Variants in SORBS2 observed in about 807,000 individuals in gnomAD.
The protein encoded by SORBS2 is sorbin and SH3 domain containing 2.
Under a neutral mutation model 97.7 loss-of-function variants are expected in SORBS2, and 46 were observed. That is an observed-to-expected ratio of 0.47 (90% confidence interval 0.37 to 0.60). The LOEUF is 0.60. Ranked by LOEUF, SORBS2 falls within the 20% of genes least tolerant of loss-of-function variation. The pLI is 0.00. For missense variants in SORBS2, 1,316 were observed against 1,282.3 expected (o/e 1.03, Z -0.40); for synonymous variants, 476 against 473.4 (o/e 1.01, Z -0.07).
chr4:185,662,235 A>C, exon 5 of SORBS2: 1 of 1,607,570 alleles, frequency 6.2e-7, no homozygotes, highest in Non-Finnish European at 8.5e-7. Flanking sequence ...ATTCACTGTT[A>C]TCTGGCTCTG....
chr4:185,596,886 T>C (rs1201453274), intron 12 of SORBS2, among the ~76,000 whole-genome samples: 3 of 152,148 alleles, frequency 2.0e-5, no homozygotes, highest in Non-Finnish European at 4.4e-5. Context: ...CCTTCATATC[T>C]TTCAAACCCT....
At chr4:185,891,163 ATTT>A (rs1482188894) in intron 1 of SORBS2, among the ~76,000 whole-genome samples, 4 of 151,916 alleles carry the variant, frequency 2.6e-5, no homozygotes, top group African/African-American at 9.7e-5. Context: ...ATACTTTTTT[ATTT>A]TGTGTCAGTA....
chr4:185,639,966 G>A (rs1474863250), intron 4 of SORBS2, among the ~76,000 whole-genome samples: 1 of 152,096 alleles, frequency 6.6e-6, no homozygotes, highest in Non-Finnish European at 1.5e-5. Flanking sequence ...CCATGATTTT[G>A]ACATTGTTCT....
chr4:185,629,378 A>G (rs2096868656), intron 5 of SORBS2, among the ~76,000 whole-genome samples: 1 of 152,056 alleles, frequency 6.6e-6, no homozygotes, highest in Non-Finnish European at 1.5e-5. Context: ...CAGGGATGTT[A>G]TTGCAGTTGG....
intron 1 of SORBS2, among the ~76,000 whole-genome samples, chr4:185,784,893 C>T (rs949392867): frequency 1.3e-5 from 2 of 152,120 alleles, no homozygotes; most frequent in African/African-American, 2.4e-5. Flanking sequence ...CCTAACGCCC[C>T]GGGAGCTGCA....
At chr4:185,714,965 A>G (rs555220801) in intron 2 of SORBS2, among the ~76,000 whole-genome samples, 1 of 152,380 alleles carries the variant, frequency 6.6e-6, no homozygotes, top group South Asian at 2.1e-4. Context: ...ACATGAGTCT[A>G]TAAAGAAATA....
intron 1 of SORBS2, among the ~76,000 whole-genome samples, chr4:185,813,358 C>T (rs1241755945): frequency 6.6e-6 from 1 of 152,180 alleles, no homozygotes; most frequent in South Asian, 2.1e-4. Flanking sequence ...GGGATGCCCG[C>T]TCCCCTTCCT....
chr4:185,596,804 A>G (rs570344841), intron 12 of SORBS2, among the ~76,000 whole-genome samples: 1 of 152,144 alleles, frequency 6.6e-6, no homozygotes, highest in South Asian at 2.1e-4. Context: ...AAGTGCTGGG[A>G]TTACAGGCGT....
chr4:185,677,002 T>G (rs1332680002), intron 4 of SORBS2: 8 of 1,549,986 alleles, frequency 5.2e-6, no homozygotes, highest in Middle Eastern at 2.0e-4. Context: ...GGTACCACTC[T>G]GCAGTCTGAG....
rs1363472804 is a variant in SORBS2 at position 185,589,877 on chromosome 4, C to T, written c.2847-92G>A. The T allele has an allele frequency of 1.4e-5, 11 of 786,562 alleles. 1 individual carries two copies. Among genetic ancestry groups the T allele is most frequent in the African/African-American group, 1.0e-4 (6 of 58,488 alleles). 48.7% of individuals were successfully genotyped at this position (786,562 alleles called of 1,614,324 possible). On this transcript the variant is annotated intron_variant, in intron 13 of 14. Transcript: ENST00000418609. ...CAATATTCATTCTTCCTTTAACATT[C>T]CTATTCTTAACAACATTCTGTTGGG...
rs962024906 is a variant in SORBS2, at chr4:185,607,458, T to C, written c.2796+4322A>G. 18 of 459,288 alleles carry C rather than the reference T, an allele frequency of 3.9e-5. No individual in the cohort carries two copies. Among genetic ancestry groups the C allele is most frequent in the Non-Finnish European group, 5.9e-5 (16 of 272,944 alleles). The allele number at this position is 459,288 out of a possible 1,614,324, so 28.5% of individuals were successfully genotyped here. On this transcript the variant is annotated intron_variant, in intron 12 of 14. Transcript: ENST00000418609. The surrounding 1 kb of genome is among the most constrained non-coding windows in gnomAD (Gnocchi z 5.2). ...AATGCAGAAAAGATGCGGTGGTGAA[T>C]ATGAAAATAATTTTATGTTTAACAT...
chr4:185,745,694 C>T (rs1248554729), intron 2 of SORBS2, among the ~76,000 whole-genome samples: 3 of 152,168 alleles, frequency 2.0e-5, no homozygotes, highest in Admixed American at 1.3e-4. Context: ...AAAGACAAAA[C>T]AGCAATAGAC....
upstream of SORBS2, among the ~76,000 whole-genome samples, chr4:185,660,652 C>G (rs570073455): frequency 6.6e-6 from 1 of 152,182 alleles, no homozygotes; most frequent in African/African-American, 2.4e-5. Flanking sequence ...CCTGAATAAA[C>G]GAACAGCATC....
chr4:185,832,621 T>C (rs989624422), intron 1 of SORBS2, among the ~76,000 whole-genome samples: 7 of 152,238 alleles, frequency 4.6e-5, no homozygotes, highest in African/African-American at 1.7e-4. Flanking sequence ...AATTTCAGTT[T>C]CTTATATCTT....
intron 2 of SORBS2, among the ~76,000 whole-genome samples, chr4:185,746,749 A>T (rs1436605532): frequency 6.6e-6 from 1 of 152,244 alleles, no homozygotes; most frequent in Non-Finnish European, 1.5e-5. Context: ...CTCTTGTGTG[A>T]GGCTTAGACT....
intron 14 of SORBS2, among the ~76,000 whole-genome samples, chr4:185,588,859 C>T (rs111295087): frequency 2.6e-5 from 4 of 152,274 alleles, no homozygotes; most frequent in South Asian, 2.1e-4. Flanking sequence ...AGGTAATCCA[C>T]CCGCCTCGGC....
chr4:185,640,236 T>C (rs1561594412), intron 4 of SORBS2, among the ~76,000 whole-genome samples: 1 of 152,164 alleles, frequency 6.6e-6, no homozygotes, highest in East Asian at 1.9e-4. Context: ...ATGCTTACAA[T>C]GAGATACCAA....
intron 1 of SORBS2, among the ~76,000 whole-genome samples, chr4:185,838,515 C>T (rs969349311): frequency 2.0e-5 from 3 of 152,208 alleles, no homozygotes; most frequent in Admixed American, 1.3e-4. Context: ...ACACAGAGGG[C>T]AGAGCCAGCA....
chr4:185,790,609 T>A (rs1048240409), intron 1 of SORBS2, among the ~76,000 whole-genome samples: 2 of 152,188 alleles, frequency 1.3e-5, no homozygotes, highest in African/African-American at 4.8e-5. Flanking sequence ...TTTTACTCAA[T>A]TTATTTGTGC....
Sources: allele counts gnomAD v4.1 joint callset (sites outside exome capture counted in the v4.1 genomes callset), GRCh38; gene constraint gnomAD v4.1.1; non-coding constraint Gnocchi (gnomAD v3.1); transcripts MANE v1.5; gene names NCBI Gene and HGNC (gene_info 2026-07-23, HGNC 2026-07-21).